USP34: variants seen among roughly 807,000 people sequenced by gnomAD.
USP34 encodes the protein ubiquitin specific peptidase 34, also known as ubiquitin carboxyl-terminal hydrolase 34.
Under a neutral mutation model 460.3 loss-of-function variants are expected in USP34, and 70 were observed. The ratio of observed to expected loss-of-function variants is 0.15; its 90% CI spans 0.13 to 0.19. The LOEUF is 0.19. Among genes scored for constraint, USP34 ranks in the 10% least tolerant of loss-of-function variants. The probability of loss-of-function intolerance (pLI) is 1.00; values close to 1 mark genes in which losing one functional copy is unlikely to be tolerated. For synonymous variants in USP34, 1,647 were observed against 1,405.3 expected, an observed-to-expected ratio of 1.17 and a Z score of -3.85; for missense variants, 3,985 against 4,236.2, an observed-to-expected ratio of 0.94 and a Z score of 1.65.
intron 1 of USP34, among the ~76,000 whole-genome samples, chr2:61,448,561 G>A (rs1056369601): frequency 7.9e-5 from 12 of 152,130 alleles, no homozygotes; most frequent in Non-Finnish European, 1.2e-4. Flanking sequence ...CACTGATCAA[G>A]CCAAATGAAG....
At chr2:61,445,222 TAAAAAA>T (rs57854651) in intron 1 of USP34, among the ~76,000 whole-genome samples, 2 of 40,654 alleles carry the variant, frequency 4.9e-5, no homozygotes, top group African/African-American at 1.1e-4. Flanking sequence ...AGAACCACAC[TAAAAAA>T]AAAAAAAAAA....
intron 1 of USP34, among the ~76,000 whole-genome samples, chr2:61,470,236 G>A (rs76231788): frequency 0.11 from 16,025 of 152,208 alleles, 921 homozygotes; most frequent in East Asian, 0.18. Context: ...CAGCACGCTG[G>A]AAATCAAAGA....
intron 33 of USP34, among the ~76,000 whole-genome samples, chr2:61,290,161 A>G (rs1041160327): frequency 2.4e-4 from 37 of 152,312 alleles, no homozygotes; most frequent in African/African-American, 7.9e-4. Flanking sequence ...TAACACTACT[A>G]TACCCATTAG....
At chr2:61,199,807 C>T (rs897723165) in intron 75 of USP34, among the ~76,000 whole-genome samples, 2 of 151,982 alleles carry the variant, frequency 1.3e-5, no homozygotes, top group Non-Finnish European at 2.9e-5. Flanking sequence ...TTATAGTTTA[C>T]TGTTGTGAAA....
At chr2:61,437,368 T>C (rs1694840965) in intron 1 of USP34, among the ~76,000 whole-genome samples, 1 of 151,826 alleles carries the variant, frequency 6.6e-6, no homozygotes, top group Non-Finnish European at 1.5e-5. Flanking sequence ...ACCACAGAAG[T>C]ACAAAGGATC....
intron 15 of USP34, among the ~76,000 whole-genome samples, chr2:61,345,786 T>C (rs576984374): frequency 2.0e-5 from 3 of 152,254 alleles, no homozygotes; most frequent in Non-Finnish European, 4.4e-5. Flanking sequence ...AGGTGTGTGA[T>C]ACCATGCCTG....
In USP34 at chr2:61,188,648, T is replaced by G. The variant is rs201128251; in HGVS notation, c.10095A>C (p.Val3365=). Residue 3365 remains valine, a synonymous_variant, in exon 80 of 80, where the codon GTA becomes GTC. Coordinates refer to ENST00000398571, the MANE Select transcript of USP34 (RefSeq NM_014709.4). ...RRVSSDEEHT[V]DSCISDMKTE... ...TTTTCATGTCACTGATGCAGCTGTC[T>G]ACAGTGTGCTCCTCATCACTGCTAA... The G allele has an allele frequency of 2.5e-6, 4 of 1,614,186 alleles. No individual in the cohort carries two copies. In the African/African-American group the frequency reaches 5.3e-5, roughly 22 times the overall value.
intron 1 of USP34, among the ~76,000 whole-genome samples, chr2:61,440,994 G>A (rs1694949012): frequency 6.6e-6 from 1 of 151,816 alleles, no homozygotes; most frequent in South Asian, 2.1e-4. Context: ...TGGGCGTGAT[G>A]GCAGGTGCCT....
At chr2:61,204,038 A>G (rs1325054064) in intron 74 of USP34, among the ~76,000 whole-genome samples, 1 of 151,792 alleles carries the variant, frequency 6.6e-6, no homozygotes, top group Non-Finnish European at 1.5e-5. Context: ...GTAATTTTTG[A>G]GGGGGAAAAA....
intron 68 of USP34, 53 bp from the exon 69 acceptor site, chr2:61,211,982 G>A: frequency 6.5e-7 from 1 of 1,528,288 alleles, no homozygotes; most frequent in Non-Finnish European, 8.7e-7. Flanking sequence ...CATTTTAGAA[G>A]GTCAGTTTCT....
chr2:61,226,845 G>A (rs1687743327), intron 62 of USP34: 3 of 478,040 alleles, frequency 6.3e-6, no homozygotes, highest in Admixed American at 4.1e-5. Flanking sequence ...ACGACTCATA[G>A]ATGAAGTAAA....
chr2:61,357,269 A>C (rs971427744), intron 10 of USP34, among the ~76,000 whole-genome samples: 1 of 152,224 alleles, frequency 6.6e-6, no homozygotes, highest in Non-Finnish European at 1.5e-5. Flanking sequence ...AGAAGCTGAA[A>C]ATCAGTACCA....
chr2:61,467,842 C>T (rs146085786), intron 1 of USP34, among the ~76,000 whole-genome samples: 11,530 of 151,846 alleles, frequency 0.076, 597 homozygotes, highest in Non-Finnish European at 0.12. Flanking sequence ...AGGCTGGTCT[C>T]GAGCTCCTGA....
chr2:61,331,250 A>G, intron 20 of USP34, 26 bp downstream of exon 20: 2 of 1,572,254 alleles, frequency 1.3e-6, no homozygotes, highest in Non-Finnish European at 8.7e-7. Flanking sequence ...ACACAAATGT[A>G]TTTAACCCAG....
chr2:61,275,899 A>C (rs1455371187), intron 41 of USP34, among the ~76,000 whole-genome samples: 2 of 152,192 alleles, frequency 1.3e-5, no homozygotes, highest in Non-Finnish European at 2.9e-5. Flanking sequence ...TGTATAAATC[A>C]ATAAACAGAA....
chr2:61,248,651 C>A lies in USP34; in HGVS notation c.6254G>T (p.Ser2085Ile). The A allele has an allele frequency of 6.4e-7, 1 of 1,573,676 alleles. No homozygotes were observed. The highest frequency in any genetic ancestry group is 8.7e-7 in the Non-Finnish European group (1 of 1,156,028). Residue 2085 changes from serine to isoleucine, a missense_variant, in exon 49 of 80, where the codon AGT becomes ATT. Around this residue, in one of 14 missense-constraint regions of USP34, gnomAD observed 145 missense variants for 291.6 expected, o/e 0.50. Transcript: ENST00000398571. ...AAATGTGTATCTCATAGTATTGAAA[C>A]TCAAAATGCGAGGCAATTTCTTAAA... is the stretch of plus-strand genomic sequence containing the variant. The part of the protein sequence containing the change: ...ACFKKLPRIL[S>I]FNTMRYTFNM...
At chr2:61,434,901 C>T (rs1347808582) in intron 1 of USP34, among the ~76,000 whole-genome samples, 1 of 151,678 alleles carries the variant, frequency 6.6e-6, no homozygotes, top group Non-Finnish European at 1.5e-5. Context: ...ATATAAAATG[C>T]CAGAAAAAGA....
Position 61,380,343 on chromosome 2 carries a change from C to G in USP34, c.840G>C (p.Ser280=), listed in dbSNP as rs1197833722. The G allele has an allele frequency of 4.4e-6, 7 of 1,605,604 alleles. No homozygotes were observed. The highest frequency in any genetic ancestry group is 1.3e-5 in the African/African-American group (1 of 74,576). Residue 280 remains serine (S), a synonymous_variant, in exon 7 of 80, where the codon TCG becomes TCC. Transcript: ENST00000398571. ...TYVIRYLCKL[S]DQELRQSAAR... Reference sequence around the variant, plus strand: ...CTGCACTCTGTCGTAACTCCTGATCCGAGAGCTTGCATAAATACCTGAAAT... The same window carrying G: ...CTGCACTCTGTCGTAACTCCTGATCGGAGAGCTTGCATAAATACCTGAAAT...
At chr2:61,413,307 C>A (rs1215681638) in intron 2 of USP34, among the ~76,000 whole-genome samples, 3 of 152,118 alleles carry the variant, frequency 2.0e-5, no homozygotes, top group Admixed American at 6.5e-5. Flanking sequence ...GGCAGAATTG[C>A]CTGAACCTGG....
Sources: gnomAD v4.1 joint callset for allele counts (sites outside exome capture counted in the v4.1 genomes callset) on GRCh38, gnomAD v4.1.1 for gene constraint, gnomAD v4.1.1 regional missense constraint, MANE v1.5 for transcripts, NCBI Gene and HGNC (gene_info 2026-07-23, HGNC 2026-07-21) for gene names.